The following ADAMTS12 variants were observed in gnomAD, a reference collection of about 807,000 sequenced individuals.
ADAMTS12 encodes the protein ADAM metallopeptidase with thrombospondin type 1 motif 12, also known as A disintegrin and metalloproteinase with thrombospondin motifs 12.
ADAMTS12 carries 118 observed loss-of-function variants against 167.8 expected under a neutral mutation model. That is an observed-to-expected ratio of 0.70 (90% CI 0.61 to 0.82). ADAMTS12 has a LOEUF of 0.82. Among genes scored for constraint, ADAMTS12 ranks in the 40% least tolerant of loss-of-function variants. ADAMTS12 has a pLI of 0.00. For missense variants in ADAMTS12, 1,916 were observed against 1,998.8 expected, an observed-to-expected ratio of 0.96 and a Z score of 0.79; for synonymous variants, 704 against 716.9, an observed-to-expected ratio of 0.98 and a Z score of 0.29.
chr5:33,630,390 C>G (rs1274665780), intron 13 of ADAMTS12, among the ~76,000 whole-genome samples: 3 of 152,152 alleles, frequency 2.0e-5, no homozygotes, highest in African/African-American at 7.2e-5. Flanking sequence ...TGTTGATAGT[C>G]AATGGAGAAT....
chr5:33,777,867 T>C (rs1456689962), intron 2 of ADAMTS12, among the ~76,000 whole-genome samples: 1 of 152,002 alleles, frequency 6.6e-6, no homozygotes, highest in East Asian at 1.9e-4. Context: ...TAGTAAGATT[T>C]TTTTATATAG....
At chr5:33,529,117 C>A (rs181711214) in intron 23 of ADAMTS12, among the ~76,000 whole-genome samples, 7 of 152,258 alleles carry the variant, frequency 4.6e-5, no homozygotes, top group Admixed American at 4.6e-4. Flanking sequence ...AACTGTGATC[C>A]CCGCCCTGCA....
At chr5:33,767,831 A>G (rs570968976) in intron 2 of ADAMTS12, among the ~76,000 whole-genome samples, 1 of 152,264 alleles carries the variant, frequency 6.6e-6, no homozygotes, top group Non-Finnish European at 1.5e-5. Context: ...AAAAAATAAC[A>G]GAAGAAGTGG....
At chr5:33,695,211 C>A (rs933018610) in intron 3 of ADAMTS12, among the ~76,000 whole-genome samples, 9 of 152,164 alleles carry the variant, frequency 5.9e-5, no homozygotes, top group African/African-American at 1.9e-4. Context: ...TTATTTAATT[C>A]TGATTAGGGA....
intron 3 of ADAMTS12, among the ~76,000 whole-genome samples, chr5:33,720,280 TCACTCACA>T (rs1743764212): frequency 3.2e-5 from 2 of 62,328 alleles, no homozygotes; most frequent in African/African-American, 8.7e-5. Context: ...TCTCTCTCTC[TCACTCACA>T]CACACACACA....
intron 22 of ADAMTS12, 57 bp downstream of exon 22, chr5:33,546,002 A>C: frequency 2.0e-6 from 3 of 1,495,658 alleles, no homozygotes; most frequent in Non-Finnish European, 2.6e-6. Context: ...CTAGAACTTA[A>C]AGTATTAAAA....
intron 2 of ADAMTS12, among the ~76,000 whole-genome samples, chr5:33,871,586 GA>G (rs1029275171): frequency 3.6e-4 from 53 of 146,686 alleles, no homozygotes; most frequent in Non-Finnish European, 6.8e-4. Flanking sequence ...TAGGTAACTA[GA>G]AAAAAAAAGA....
At chr5:33,855,232 C>A (rs550366413) in intron 2 of ADAMTS12, among the ~76,000 whole-genome samples, 1 of 152,334 alleles carries the variant, frequency 6.6e-6, no homozygotes, top group African/African-American at 2.4e-5. Context: ...TGGTATGAGG[C>A]ATGTCCCCTC....
At chr5:33,816,319 GATA>G (rs1400253221) in intron 2 of ADAMTS12, among the ~76,000 whole-genome samples, 1 of 152,098 alleles carries the variant, frequency 6.6e-6, no homozygotes, top group South Asian at 2.1e-4. Flanking sequence ...CAGTTTTTGT[GATA>G]ATATTTTAAA....
intron 2 of ADAMTS12, among the ~76,000 whole-genome samples, chr5:33,770,828 CTTCCTCTTCCCCT>C (rs1406176223): frequency 1.7e-4 from 25 of 150,394 alleles, no homozygotes; most frequent in African/African-American, 5.1e-4. Flanking sequence ...TCCTCTTCTT[CTTCCTCTTCCCCT>C]CCTCCTCCTC....
chr5:33,752,745 C>T (rs1745033362), intron 2 of ADAMTS12, among the ~76,000 whole-genome samples: 1 of 152,186 alleles, frequency 6.6e-6, no homozygotes, highest in Non-Finnish European at 1.5e-5. Context: ...TTTCAAGGTT[C>T]AAGGTCCTTT....
chr5:33,857,351 GACTGTTGTTA>G (rs1399744092), intron 2 of ADAMTS12, among the ~76,000 whole-genome samples: 1 of 151,662 alleles, frequency 6.6e-6, no homozygotes, highest in African/African-American at 2.4e-5. Flanking sequence ...AAAACAATGT[GACTGTTGTTA>G]ACAATACTGA....
At chr5:33,818,746 GGTT>G (rs1747758743) in intron 2 of ADAMTS12, among the ~76,000 whole-genome samples, 1 of 152,018 alleles carries the variant, frequency 6.6e-6, no homozygotes, top group Non-Finnish European at 1.5e-5. Context: ...CACCAACGTT[GGTT>G]ATCTCTTGTC....
intron 5 of ADAMTS12, 149 bp downstream of exon 5, chr5:33,682,869 G>A: frequency 1.7e-6 from 1 of 600,934 alleles, no homozygotes; most frequent in South Asian, 2.3e-5. Context: ...AACTCCCAAG[G>A]GAATAACACA....
At position 33,546,180 on chromosome 5, in the gene ADAMTS12, C is replaced by T; in HGVS notation, c.4325G>A (p.Gly1442Glu). ...ACAGAACACTCCTCTCTCCTGAACT[C>T]CACCTCCACAGGACCTGGAGCACTG... Reference protein sequence around the residue: ...WSQCSRSCGGGVQERGVFCPG... With the variant: ...WSQCSRSCGGEVQERGVFCPG... Residue 1442 changes from glycine to glutamate, a missense_variant, in exon 22 of 24, where the codon GGA (glycine) becomes GAA (glutamate). Coordinates refer to ENST00000504830, the MANE Select transcript of ADAMTS12 (RefSeq NM_030955.4). 6.2e-7 allele frequency: 1 copy of T among 1,613,250 alleles called. No individual in the cohort carries two copies.
intron 2 of ADAMTS12, among the ~76,000 whole-genome samples, chr5:33,795,465 A>T (rs540257031): frequency 2.2e-4 from 33 of 152,350 alleles, no homozygotes; most frequent in African/African-American, 7.5e-4. Context: ...TCCCTACGTC[A>T]AATGAAAAAA....
intron 3 of ADAMTS12, among the ~76,000 whole-genome samples, chr5:33,725,012 A>G (rs1258996163): frequency 1.3e-5 from 2 of 151,860 alleles, no homozygotes; most frequent in Admixed American, 1.3e-4. Flanking sequence ...GAAACCCTAT[A>G]CCTTCCCCCT....
At chr5:33,622,159 G>T (rs575915925) in intron 14 of ADAMTS12, among the ~76,000 whole-genome samples, 93 of 152,302 alleles carry the variant, frequency 6.1e-4, no homozygotes, top group Non-Finnish European at 1.1e-3. Flanking sequence ...CAGGGGAGCA[G>T]AAGACATTTA....
At chr5:33,550,361 T>C (rs1405101142) in intron 20 of ADAMTS12, among the ~76,000 whole-genome samples, 1 of 152,238 alleles carries the variant, frequency 6.6e-6, no homozygotes, top group African/African-American at 2.4e-5. Flanking sequence ...GTGCTTGCCA[T>C]AGGCCTTCTG....
Sources: gnomAD v4.1 joint callset for allele counts (sites outside exome capture counted in the v4.1 genomes callset) on GRCh38, gnomAD v4.1.1 for gene constraint, MANE v1.5 for transcripts, NCBI Gene and HGNC (gene_info 2026-07-23, HGNC 2026-07-21) for gene names.